Variants in DCTN6 observed in about 807,000 individuals in gnomAD.
DCTN6 encodes the protein dynactin 6.
A neutral mutation model predicts 25.8 loss-of-function variants in DCTN6; 15 were observed. The observed-to-expected ratio is 0.58, with a 90% confidence interval of 0.39 to 0.89. The LOEUF is 0.89. Among genes scored for constraint, DCTN6 ranks in the 40% least tolerant of loss-of-function variants. The pLI is 0.00. For missense variants in DCTN6, 198 were observed against 237.6 expected (o/e 0.83, Z 1.09); for synonymous variants, 64 against 78.3 (o/e 0.82, Z 0.96).
intron 2 of DCTN6, among the ~76,000 whole-genome samples, chr8:30,174,029 C>T (rs544803502): frequency 6.6e-6 from 1 of 152,104 alleles, no homozygotes; most frequent in South Asian, 2.1e-4. Flanking sequence ...AGGCTCAGGG[C>T]GGGGTAGACC....
chr8:30,169,067 A>G (rs1354448347), intron 2 of DCTN6, among the ~76,000 whole-genome samples: 1 of 152,234 alleles, frequency 6.6e-6, no homozygotes, highest in Admixed American at 6.5e-5. Context: ...GTGAAGGCGG[A>G]ACTCGGCTCA....
intron 4 of DCTN6, among the ~76,000 whole-genome samples, chr8:30,178,261 T>A (rs1275029264): frequency 6.6e-6 from 1 of 151,974 alleles, no homozygotes; most frequent in Non-Finnish European, 1.5e-5. Flanking sequence ...GTTGGGAGTT[T>A]GAGGCCAGCC....
chr8:30,175,249 C>T, intron 3 of DCTN6, 59 bp downstream of exon 3: 1 of 1,471,826 alleles, frequency 6.8e-7, no homozygotes, highest in Non-Finnish European at 9.4e-7. Context: ...TTCTTAATTT[C>T]AGCTGTCTGT....
At chr8:30,162,365 A>T (rs928161660) in intron 1 of DCTN6, among the ~76,000 whole-genome samples, 17 of 152,258 alleles carry the variant, frequency 1.1e-4, no homozygotes, top group Admixed American at 2.0e-4. Context: ...TCCTGGGATT[A>T]CAGGTGTGAG....
chr8:30,163,993 C>T (rs138117127), intron 1 of DCTN6, 118 bp from the exon 2 acceptor site: 23,656 of 881,058 alleles, frequency 0.027, 387 homozygotes, highest in Non-Finnish European at 0.033. Context: ...TGAGCCACTG[C>T]GCCTGGCCTT....
chr8:30,173,731 T>TAA lies in DCTN6; in HGVS notation c.89-1332_89-1331dup, dbSNP rs371782984. ...GGTGACAGAATGAGACCCTGTCTCT[T>TAA]AAAAAAAAAAAAAAAAAAAAAAACC... is the stretch of plus-strand genomic sequence containing the variant. On this transcript the variant is annotated intron_variant, in intron 2 of 6. Transcript: ENST00000221114. Among the ~76,000 whole-genome samples the TAA allele has an allele frequency of 2.3e-3, 225 of 96,016 alleles. 1 individual carries two copies. The highest frequency in any genetic ancestry group is 3.1e-3 in the African/African-American group (87 of 28,302). The allele number at this position is 96,016 out of a possible 152,430, so 63.0% of individuals were successfully genotyped here. A position where few individuals can be genotyped will look rare whatever the true frequency, so the allele number is the denominator to read the frequency against.
chr8:30,172,364 G>T (rs16876612), intron 2 of DCTN6, among the ~76,000 whole-genome samples: 1,544 of 152,280 alleles, frequency 0.01, 36 homozygotes, highest in East Asian at 0.057. Context: ...TGTGAAAGAA[G>T]TGTGTGCTTG....
In DCTN6 at chr8:30,175,066, C is replaced by A. The variant is rs1451010524; in HGVS notation, c.89-19C>A. On this transcript the variant is annotated intron_variant, in intron 2 of 6. Transcript: ENST00000221114. ...GCATAGCCTCCACCAATAATTTCTT[C>A]TCAAACTATTTTTAACAGGACCTCG... 6.2e-7 allele frequency: 1 copy of A among 1,611,052 alleles called. No individual in the cohort carries two copies. The highest frequency in any genetic ancestry group is 1.7e-5 in the Admixed American group (1 of 59,864).
chr8:30,166,539 C>T (rs1475499635), intron 2 of DCTN6, among the ~76,000 whole-genome samples: 3 of 152,010 alleles, frequency 2.0e-5, no homozygotes, highest in Non-Finnish European at 4.4e-5. Context: ...TAAATATACA[C>T]AGGCATTATG....
Position 30,180,530 on chromosome 8 carries a change from T to C in DCTN6, c.374T>C (p.Ile125Thr), listed in dbSNP as rs372379363. The change falls in exon 6 of 7, where the codon ATT (isoleucine) becomes ACT (threonine). Residue 125 changes from isoleucine to threonine, a missense_variant. Physicochemically the swap from Ile to Thr is moderately conservative, Grantham distance 89. Coordinates refer to ENST00000221114, the MANE Select transcript of DCTN6 (RefSeq NM_006571.4). ...RNVILTSGCIIGACCNLNTFE... is the reference protein window; with the variant it reads ...RNVILTSGCITGACCNLNTFE... The stretch of plus-strand genomic sequence containing the variant: ...GTAATATTGACAAGTGGCTGCATCA[T>C]TGGGGCTTGTTGCAACCTAAATACA... 21 of 1,613,890 alleles carry C rather than the reference T, an allele frequency of 1.3e-5. No homozygotes were observed. The highest frequency in any genetic ancestry group is 2.2e-5 in the South Asian group (2 of 91,052).
At chr8:30,159,556 G>C (rs937887325) in intron 1 of DCTN6, among the ~76,000 whole-genome samples, 3 of 152,116 alleles carry the variant, frequency 2.0e-5, no homozygotes, top group African/African-American at 7.2e-5. Context: ...TTCAGAATCT[G>C]TATTTTCAGT....
chr8:30,173,739 A>T (rs1803793500), intron 2 of DCTN6, among the ~76,000 whole-genome samples: 1 of 147,144 alleles, frequency 6.8e-6, no homozygotes, highest in Admixed American at 6.7e-5. Flanking sequence ...CTTAAAAAAA[A>T]AAAAAAAAAA....
chr8:30,159,326 G>A (rs983090261), intron 1 of DCTN6, among the ~76,000 whole-genome samples: 2 of 151,822 alleles, frequency 1.3e-5, no homozygotes, highest in African/African-American at 2.4e-5. Context: ...ACCCTAATTT[G>A]TGGAAGAAAA....
chr8:30,159,635 A>T (rs1159823932), intron 1 of DCTN6, among the ~76,000 whole-genome samples: 1 of 152,120 alleles, frequency 6.6e-6, no homozygotes, highest in Non-Finnish European at 1.5e-5. Flanking sequence ...AATTTAGCCA[A>T]ATGACTTTTT....
intron 2 of DCTN6, among the ~76,000 whole-genome samples, chr8:30,170,173 CAAA>C (rs1265818844): frequency 1.7e-5 from 2 of 116,580 alleles, no homozygotes; most frequent in Admixed American, 8.8e-5. Context: ...ACTCTGTATC[CAAA>C]AAAAAAAAAA....
intron 1 of DCTN6, among the ~76,000 whole-genome samples, chr8:30,159,019 G>A (rs1185156765): frequency 6.6e-6 from 1 of 151,908 alleles, no homozygotes; most frequent in African/African-American, 2.4e-5. Flanking sequence ...TGACCTCAAG[G>A]AATCTGCCCA....
rs750714422 is a variant in DCTN6 at position 30,163,719 on chromosome 8, T to C, written c.24-392T>C. The stretch of plus-strand genomic sequence containing the variant: ...TCCATCTTTTTTTTTTTTTTTTTCC[T>C]GAGACAGAGTTTCACTCTTGTTGCC... On this transcript the variant is annotated intron_variant, in intron 1 of 6. Coordinates refer to ENST00000221114, the MANE Select transcript of DCTN6 (RefSeq NM_006571.4). 8.9e-3 allele frequency among the ~76,000 whole-genome samples: 1,332 copies of C among 150,322 alleles called. 14 individuals carry two copies. Among genetic ancestry groups the C allele is most frequent in the Middle Eastern group, 0.051 (15 of 292 alleles).
chr8:30,172,753 A>G (rs557213633), intron 2 of DCTN6, among the ~76,000 whole-genome samples: 9 of 152,286 alleles, frequency 5.9e-5, no homozygotes, highest in Non-Finnish European at 7.4e-5. Context: ...GCCCCCAGCA[A>G]TATTTACATA....
At chr8:30,169,658 C>T (rs1488291583) in intron 2 of DCTN6, among the ~76,000 whole-genome samples, 1 of 152,134 alleles carries the variant, frequency 6.6e-6, no homozygotes, top group Non-Finnish European at 1.5e-5. Context: ...ACCTCAAGAC[C>T]CTTAAACTTT....
Sources: allele counts gnomAD v4.1 joint callset (sites outside exome capture counted in the v4.1 genomes callset), GRCh38; gene constraint gnomAD v4.1.1; transcripts MANE v1.5; gene names NCBI Gene and HGNC (gene_info 2026-07-23, HGNC 2026-07-21).